RPGRIP1L: variants seen among roughly 807,000 people sequenced by gnomAD.
The protein encoded by RPGRIP1L is protein fantom.
In RPGRIP1L, 131 loss-of-function variants were observed where a neutral mutation model predicts 160.4. The ratio of observed to expected loss-of-function variants is 0.82; its 90% CI spans 0.71 to 0.94. RPGRIP1L has a LOEUF of 0.94. Among genes scored for constraint, RPGRIP1L ranks in the 40% least tolerant of loss-of-function variants. The pLI is 0.00. For synonymous variants in RPGRIP1L, 510 were observed against 515.8 expected (o/e 0.99, Z 0.15); for missense variants, 1,522 against 1,535.8 (o/e 0.99, Z 0.15).
At chr16:53,617,563 T>C (rs2150960288) in intron 24 of RPGRIP1L, among the ~76,000 whole-genome samples, 1 of 152,346 alleles carries the variant, frequency 6.6e-6, no homozygotes, top group African/African-American at 2.4e-5. Context: ...TTATTTCACA[T>C]GTGATTTCTT....
chr16:53,696,215 G>A lies in RPGRIP1L; in HGVS notation c.166C>T (p.Arg56Cys), dbSNP rs755258407. 5.6e-6 allele frequency: 9 copies of A among 1,613,798 alleles called. No individual in the cohort carries two copies. The Admixed American group carries it at 8.3e-5, about 15-fold the overall frequency. ...AGTAAAATGTTCTCATCATGCAAAC[G>A]CAAAAATCTGTCTTCCAGTTCCTCA... The part of the protein sequence containing the change: ...SREELEDRFL[R>C]LHDENILLKQ... Residue 56 changes from arginine (R) to cysteine (C), a missense_variant, in exon 3 of 27, where the codon CGT becomes TGT. Coordinates refer to ENST00000647211, the MANE Select transcript of RPGRIP1L (RefSeq NM_015272.5).
chr16:53,671,217 T>C (rs1001606650), intron 9 of RPGRIP1L, among the ~76,000 whole-genome samples: 12 of 152,182 alleles, frequency 7.9e-5, no homozygotes, highest in Non-Finnish European at 1.5e-4. Flanking sequence ...ACAATAAATG[T>C]AGAGTATCTA....
intron 23 of RPGRIP1L, among the ~76,000 whole-genome samples, chr16:53,621,988 A>C (rs1413988617): frequency 7.9e-6 from 1 of 126,324 alleles, no homozygotes; most frequent in Non-Finnish European, 1.6e-5. Flanking sequence ...GCGTTACTGC[A>C]CTCCAGCCTG....
intron 22 of RPGRIP1L, among the ~76,000 whole-genome samples, chr16:53,629,761 A>G (rs558457867): frequency 6.6e-6 from 1 of 152,300 alleles, no homozygotes; most frequent in Non-Finnish European, 1.5e-5. Context: ...AAAAGGATGA[A>G]TACAAATGTT....
intron 10 of RPGRIP1L, among the ~76,000 whole-genome samples, chr16:53,663,871 T>A (rs1427604800): frequency 6.6e-6 from 1 of 152,152 alleles, no homozygotes; most frequent in Non-Finnish European, 1.5e-5. Flanking sequence ...CCATCACTTA[T>A]AAGATGCAAC....
chr16:53,687,884 G>C lies in RPGRIP1L; in HGVS notation c.611C>G (p.Ala204Gly), dbSNP rs769611947. Residue 204 changes from alanine (A) to glycine (G), a missense_variant, in exon 5 of 27, where the codon GCC becomes GGC. Ala to Gly is a moderately conservative substitution (Grantham distance 60). Coordinates refer to ENST00000647211, the MANE Select transcript of RPGRIP1L (RefSeq NM_015272.5). ...TKYGNSLLEE[A>G]RGEIRNLENV... ...ATACAAATTTCTTATTTCTCCTCTG[G>C]CTTCTTCAAGTAAACTGTTGCCATA... is the stretch of plus-strand genomic sequence containing the variant. 3.7e-6 allele frequency: 6 copies of C among 1,606,200 alleles called. No homozygotes were observed. The highest frequency in any genetic ancestry group is 2.2e-5 in the South Asian group (2 of 90,770).
intron 13 of RPGRIP1L, among the ~76,000 whole-genome samples, chr16:53,657,181 A>G (rs1967329694): frequency 6.6e-6 from 1 of 152,054 alleles, no homozygotes; most frequent in Non-Finnish European, 1.5e-5. Context: ...CGGAGGTTGC[A>G]GTGAGCCACG....
intron 17 of RPGRIP1L, among the ~76,000 whole-genome samples, chr16:53,644,709 A>T (rs560914533): frequency 1.3e-5 from 2 of 152,188 alleles, no homozygotes; most frequent in Non-Finnish European, 2.9e-5. Flanking sequence ...GTTGACCAAA[A>T]ATATTATATA....
rs1056612492 is a variant in RPGRIP1L, at chr16:53,600,668, A to T, written c.*1408T>A. 12 of 152,622 alleles carry T rather than the reference A, an allele frequency of 7.9e-5. No individual in the cohort carries two copies. Among genetic ancestry groups the T allele is most frequent in the Non-Finnish European group, 1.5e-5 (1 of 68,034 alleles). 9.5% of individuals were successfully genotyped at this position (152,622 alleles called of 1,614,324 possible). A position where few individuals can be genotyped will look rare whatever the true frequency, so the allele number is the denominator to read the frequency against. ...CAGATATTCATACTTGCATTTTTGC[A>T]TTATAGCTGCTTTTTTTTTCTATTG... is the stretch of plus-strand genomic sequence containing the variant. On this transcript the variant is annotated 3_prime_UTR_variant, in exon 27 of 27. Coordinates refer to ENST00000647211, the MANE Select transcript of RPGRIP1L (RefSeq NM_015272.5).
chr16:53,624,111 C>CA (rs1274907271), intron 22 of RPGRIP1L, among the ~76,000 whole-genome samples: 1 of 152,122 alleles, frequency 6.6e-6, no homozygotes, highest in East Asian at 1.9e-4. Context: ...GGACTGGTCT[C>CA]AAACTCCTGG....
chr16:53,624,204 T>C (rs1964921321), intron 22 of RPGRIP1L, among the ~76,000 whole-genome samples: 1 of 152,232 alleles, frequency 6.6e-6, no homozygotes, highest in South Asian at 2.1e-4. Context: ...GAATATCTTT[T>C]ATTTATTGCC....
At chr16:53,697,694 C>T (rs1176326900) in intron 2 of RPGRIP1L, among the ~76,000 whole-genome samples, 2 of 152,048 alleles carry the variant, frequency 1.3e-5, no homozygotes, top group African/African-American at 4.8e-5. Context: ...AGTGCAGTGG[C>T]GTGATCTCGG....
intron 6 of RPGRIP1L, among the ~76,000 whole-genome samples, chr16:53,677,838 T>G (rs973764045): frequency 6.6e-6 from 1 of 152,142 alleles, no homozygotes; most frequent in Non-Finnish European, 1.5e-5. Flanking sequence ...TTAAGTGACC[T>G]CCACACAATA....
In RPGRIP1L at chr16:53,600,274, G is replaced by T. The variant is rs1392931757; in HGVS notation, c.*1802C>A. The T allele has an allele frequency of 6.6e-6, 1 of 152,606 alleles. No individual in the cohort carries two copies. The highest frequency in any genetic ancestry group is 6.6e-5 in the Admixed American group (1 of 15,262). 9.5% of individuals were successfully genotyped at this position (152,606 alleles called of 1,614,324 possible). On this transcript the variant is annotated 3_prime_UTR_variant, in exon 27 of 27. Coordinates refer to ENST00000647211, the MANE Select transcript of RPGRIP1L (RefSeq NM_015272.5). Reference sequence around the variant, plus strand: ...CTGTAACTGCATAAAGCCAAAGAAAGCTAGAAAAAGGGGCCAAAAAAATGA... The same window carrying T: ...CTGTAACTGCATAAAGCCAAAGAAATCTAGAAAAAGGGGCCAAAAAAATGA...
intron 4 of RPGRIP1L, among the ~76,000 whole-genome samples, chr16:53,688,739 T>C (rs1004740717): frequency 3.9e-5 from 6 of 152,040 alleles, no homozygotes; most frequent in African/African-American, 1.4e-4. Context: ...AAACGTGAGA[T>C]TTCATTGCTC....
chr16:53,646,843 A>G (rs1966582735), intron 16 of RPGRIP1L, among the ~76,000 whole-genome samples: 1 of 152,168 alleles, frequency 6.6e-6, no homozygotes, highest in Non-Finnish European at 1.5e-5. Flanking sequence ...TTGGAGGAGG[A>G]AAAAATAAAG....
chr16:53,662,889 C>G (rs2151188119), intron 10 of RPGRIP1L, among the ~76,000 whole-genome samples: 1 of 152,066 alleles, frequency 6.6e-6, no homozygotes, highest in Middle Eastern at 3.4e-3. Context: ...GATACTTAAA[C>G]TGAAGCTATT....
intron 22 of RPGRIP1L, among the ~76,000 whole-genome samples, chr16:53,631,371 T>C (rs558484973): frequency 1.3e-5 from 2 of 152,300 alleles, no homozygotes; most frequent in East Asian, 1.9e-4. Flanking sequence ...AAGAGAATGA[T>C]GTAAATATGC....
chr16:53,616,305 T>C (rs545710847), intron 24 of RPGRIP1L, among the ~76,000 whole-genome samples: 54 of 152,318 alleles, frequency 3.5e-4, no homozygotes, highest in African/African-American at 1.3e-3. Flanking sequence ...CAAGAGATAG[T>C]TACTTATTAA....
Sources: gnomAD v4.1 joint callset for allele counts (sites outside exome capture counted in the v4.1 genomes callset) on GRCh38, gnomAD v4.1.1 for gene constraint, MANE v1.5 for transcripts, NCBI Gene and HGNC (gene_info 2026-07-23, HGNC 2026-07-21) for gene names.